The following PCDH15 variants were observed in gnomAD, a reference collection of about 807,000 sequenced individuals.
The protein encoded by PCDH15 is protocadherin-15.
PCDH15 carries 129 observed loss-of-function variants against 178.5 expected under a neutral mutation model. That is an observed-to-expected ratio of 0.72 (90% CI 0.63 to 0.84). PCDH15 has a LOEUF of 0.84. Ranked by LOEUF, PCDH15 falls within the 40% of genes least tolerant of loss-of-function variation. The pLI is 0.00. For missense variants in PCDH15, 2,230 were observed against 2,099.9 expected (o/e 1.06, Z -1.21); for synonymous variants, 800 against 732.0 (o/e 1.09, Z -1.50).
Position 53,865,215 on chromosome 10 carries a change from T to A in PCDH15, c.3717+1427A>T, listed in dbSNP as rs2079368109. Among the ~76,000 whole-genome samples, 2 of 152,168 alleles carry A rather than the reference T, an allele frequency of 1.3e-5. 1 individual carries two copies. On this transcript the variant is annotated intron_variant, in intron 27 of 37. Coordinates refer to ENST00000644397, the MANE Select transcript of PCDH15 (RefSeq NM_001384140.1). ...AGTTGGAATTAACCAAAGTGGAGGT[T>A]TTGCTAAGTGAATATGACATAGAGA...
In PCDH15 at chr10:55,351,929, CAAT is replaced by C. The variant is rs1430673815; in HGVS notation, c.-155-185281_-155-185279del. 4.6e-5 allele frequency among the ~76,000 whole-genome samples: 7 copies of C among 152,074 alleles called. No individual in the cohort carries two copies. In the East Asian group the frequency reaches 5.8e-4, roughly 13 times the overall value. ...ACAAATACTGCTATTATTACAAGTA[CAAT>C]AATACTAATAAATTTTGAGAGGCTC... On this transcript the variant is annotated intron_variant, in intron 2 of 5. Transcript: ENST00000613346.
intron 2 of PCDH15, among the ~76,000 whole-genome samples, chr10:54,964,621 C>T (rs1838735424): frequency 6.6e-6 from 1 of 152,116 alleles, no homozygotes; most frequent in African/African-American, 2.4e-5. Flanking sequence ...ATCTATCACA[C>T]TGTGAATATT....
intron 2 of PCDH15, among the ~76,000 whole-genome samples, chr10:55,413,457 G>A (rs767891964): frequency 1.2e-4 from 18 of 151,512 alleles, no homozygotes; most frequent in Non-Finnish European, 1.9e-4. Flanking sequence ...TTTTCTAAAA[G>A]GTCTATGATA....
At chr10:55,560,421 A>G (rs1035082515) in intron 2 of PCDH15, among the ~76,000 whole-genome samples, 3 of 151,912 alleles carry the variant, frequency 2.0e-5, no homozygotes, top group African/African-American at 4.8e-5. Context: ...TGGTTGTCCA[A>G]TAGTGATTGC....
At chr10:55,087,791 G>T (rs1350907612) in intron 2 of PCDH15, among the ~76,000 whole-genome samples, 2 of 152,062 alleles carry the variant, frequency 1.3e-5, no homozygotes, top group Non-Finnish European at 2.9e-5. Flanking sequence ...CACAGAGTCT[G>T]CCAGTCCAGA....
At chr10:54,846,113 C>T (rs1953504472) in intron 3 of PCDH15, among the ~76,000 whole-genome samples, 1 of 152,032 alleles carries the variant, frequency 6.6e-6, no homozygotes, top group Admixed American at 6.6e-5. Flanking sequence ...ATGTTATTTT[C>T]CCCAATTTGC....
intron 2 of PCDH15, among the ~76,000 whole-genome samples, chr10:55,148,784 T>C (rs958614786): frequency 5.3e-4 from 80 of 150,492 alleles, no homozygotes; most frequent in Admixed American, 2.1e-3. Context: ...AAAAGTCAAA[T>C]CTTATATATA....
chr10:54,858,859 ATTT>A (rs1011051361), intron 3 of PCDH15, among the ~76,000 whole-genome samples: 4 of 152,096 alleles, frequency 2.6e-5, no homozygotes, highest in Non-Finnish European at 4.4e-5. Flanking sequence ...AGAGTAGCTT[ATTT>A]GAAAACAATA....
At chr10:53,882,034 G>A (rs1252878408) in intron 26 of PCDH15, among the ~76,000 whole-genome samples, 1 of 149,746 alleles carries the variant, frequency 6.7e-6, no homozygotes, top group Non-Finnish European at 1.5e-5. Context: ...CTGTTGCCCA[G>A]GCTAGAGTGC....
chr10:54,506,235 T>C (rs1244802437), intron 3 of PCDH15, among the ~76,000 whole-genome samples: 1 of 152,092 alleles, frequency 6.6e-6, no homozygotes, highest in African/African-American at 2.4e-5. Context: ...TCCAACACAC[T>C]GATTTTTTTT....
At chr10:53,898,573 T>C (rs2082122365) in intron 26 of PCDH15, among the ~76,000 whole-genome samples, 1 of 152,184 alleles carries the variant, frequency 6.6e-6, no homozygotes, top group Non-Finnish European at 1.5e-5. Flanking sequence ...CTCAGATAAC[T>C]TTTTGTTCTG....
At chr10:55,078,125 C>G (rs1591885180) in intron 2 of PCDH15, among the ~76,000 whole-genome samples, 1 of 152,072 alleles carries the variant, frequency 6.6e-6, no homozygotes, top group African/African-American at 2.4e-5. Flanking sequence ...TATTTCAGCA[C>G]TTTGAATATA....
rs191701343 is a variant in PCDH15, at chr10:54,825,644, A to C, written c.-29+71806T>G. ...GGCCAGTGATGGTGAGCATTTTTTC[A>C]TGTGTTTTTTGGCTGCATAAATGTC... On this transcript the variant is annotated intron_variant, in intron 3 of 5. Coordinates refer to the PCDH15 transcript ENST00000458638. Among the ~76,000 whole-genome samples, 11 of 150,768 alleles carry C rather than the reference A, an allele frequency of 7.3e-5. No homozygotes were observed. The East Asian group carries it at 2.2e-3, about 29-fold the overall frequency.
At chr10:53,821,973 A>ATAGTT (rs1405478504) in intron 32 of PCDH15, 3 of 1,613,822 alleles carry the variant, frequency 1.9e-6, no homozygotes, top group South Asian at 1.1e-5. Context: ...TGAAGGGCAC[A>ATAGTT]TAGTTTGAAG....
intron 2 of PCDH15, among the ~76,000 whole-genome samples, chr10:55,017,855 A>G (rs1041206868): frequency 4.6e-5 from 7 of 152,120 alleles, no homozygotes; most frequent in Non-Finnish European, 1.0e-4. Flanking sequence ...TTCTGTGTTC[A>G]GTAGTGAGAT....
chr10:54,742,016 T>A (rs1944877088), intron 1 of PCDH15, among the ~76,000 whole-genome samples: 1 of 152,072 alleles, frequency 6.6e-6, no homozygotes, highest in Non-Finnish European at 1.5e-5. Context: ...AATGGTGAGA[T>A]AAATTTGAGG....
intron 2 of PCDH15, among the ~76,000 whole-genome samples, chr10:54,959,733 T>C (rs993274585): frequency 1.4e-4 from 21 of 152,062 alleles, no homozygotes; most frequent in Admixed American, 1.1e-3. Context: ...AAAGGAATAG[T>C]GTGGAAGACA....
At chr10:54,694,366 C>A (rs1337310546) in intron 1 of PCDH15, among the ~76,000 whole-genome samples, 1 of 152,144 alleles carries the variant, frequency 6.6e-6, no homozygotes, top group East Asian at 1.9e-4. Flanking sequence ...CTTTTTTATT[C>A]AAGTTTTAAG....
chr10:55,187,703 AT>A (rs2132141917), intron 1 of PCDH15, among the ~76,000 whole-genome samples: 1 of 152,072 alleles, frequency 6.6e-6, no homozygotes, highest in Admixed American at 6.6e-5. Flanking sequence ...CCAATATTTT[AT>A]TTTTTAGATT....
Sources: allele counts gnomAD v4.1 joint callset (sites outside exome capture counted in the v4.1 genomes callset), GRCh38; gene constraint gnomAD v4.1.1; transcripts MANE v1.5; gene names NCBI Gene and HGNC (gene_info 2026-07-23, HGNC 2026-07-21).